CREBBP: variants seen among roughly 807,000 people sequenced by gnomAD.
The protein encoded by CREBBP is CREB binding lysine acetyltransferase.
In CREBBP, 19 loss-of-function variants were observed where a neutral mutation model predicts 265.0. That is an observed-to-expected ratio of 0.07 (90% CI 0.05 to 0.11). The LOEUF (loss-of-function observed/expected upper bound fraction) is 0.11. Ranked by LOEUF, CREBBP falls within the 10% of genes least tolerant of loss-of-function variation. CREBBP has a pLI of 1.00. For missense variants in CREBBP, 2,525 were observed against 3,219.0 expected (o/e 0.78, Z 5.22); for synonymous variants, 1,457 against 1,223.7 (o/e 1.19, Z -3.98).
intron 1 of CREBBP, among the ~76,000 whole-genome samples, chr16:3,872,437 AAGG>A (rs1370529689): frequency 6.6e-6 from 1 of 152,142 alleles, no homozygotes; most frequent in African/African-American, 2.4e-5. Flanking sequence ...GCCCCAGGGA[AAGG>A]AGAACAGGCA....
intron 13 of CREBBP, 63 bp downstream of exon 13, chr16:3,773,688 A>G (rs1178051975): frequency 6.4e-7 from 1 of 1,571,940 alleles, no homozygotes; most frequent in Non-Finnish European, 8.7e-7. Flanking sequence ...AGAAAAAAAA[A>G]ACCAAAACTT....
At chr16:3,873,717 T>C (rs2055344923) in intron 1 of CREBBP, among the ~76,000 whole-genome samples, 1 of 152,168 alleles carries the variant, frequency 6.6e-6, no homozygotes, top group African/African-American at 2.4e-5. Flanking sequence ...CTGATGTAAC[T>C]TGCCCCAAAC....
chr16:3,835,909 G>C (rs565723917), intron 2 of CREBBP, among the ~76,000 whole-genome samples: 2 of 151,722 alleles, frequency 1.3e-5, no homozygotes, highest in African/African-American at 4.8e-5. Flanking sequence ...CTTCAAACTG[G>C]AAACAACCCC....
At chr16:3,814,323 C>T (rs2053997653) in intron 2 of CREBBP, among the ~76,000 whole-genome samples, 1 of 151,394 alleles carries the variant, frequency 6.6e-6, no homozygotes, top group Admixed American at 6.6e-5. Context: ...GGCATGATTT[C>T]AGCTCCCTGC....
chr16:3,875,691 G>A (rs375439347), intron 1 of CREBBP, among the ~76,000 whole-genome samples: 1 of 152,144 alleles, frequency 6.6e-6, no homozygotes, highest in African/African-American at 2.4e-5. Flanking sequence ...AATATATAGA[G>A]CTACGGACTT....
chr16:3,762,595 C>G (rs1311471548), intron 16 of CREBBP, among the ~76,000 whole-genome samples: 1 of 152,054 alleles, frequency 6.6e-6, no homozygotes, highest in East Asian at 1.9e-4. Context: ...TCCTCTGGCC[C>G]GAGGACCTGC....
intron 3 of CREBBP, among the ~76,000 whole-genome samples, chr16:3,806,716 C>T (rs2053837856): frequency 6.6e-6 from 1 of 152,160 alleles, no homozygotes; most frequent in Non-Finnish European, 1.5e-5. Flanking sequence ...AAAGTGGCTT[C>T]AACTTCCTGC....
At chr16:3,871,082 G>GAGAAAGAA (rs542035833) in intron 1 of CREBBP, among the ~76,000 whole-genome samples, 1 of 145,852 alleles carries the variant, frequency 6.9e-6, no homozygotes, top group East Asian at 2.0e-4. Context: ...GGAAGGAAAA[G>GAGAAAGAA]AGAAAGAAAG....
At chr16:3,829,565 G>A (rs1426966041) in intron 2 of CREBBP, among the ~76,000 whole-genome samples, 2 of 152,160 alleles carry the variant, frequency 1.3e-5, no homozygotes, top group African/African-American at 4.8e-5. Context: ...TCAAGATCTT[G>A]CTGAACATCC....
intron 3 of CREBBP, among the ~76,000 whole-genome samples, chr16:3,800,354 A>C (rs2141308480): frequency 6.6e-6 from 1 of 152,320 alleles, no homozygotes; most frequent in East Asian, 1.9e-4. Flanking sequence ...CCTGGGCAGA[A>C]GCAATTATCT....
chr16:3,875,706 A>G (rs898535067), intron 1 of CREBBP, among the ~76,000 whole-genome samples: 1 of 152,182 alleles, frequency 6.6e-6, no homozygotes, highest in African/African-American at 2.4e-5. Flanking sequence ...GGACTTTAAC[A>G]ATCTAGTTTG....
In CREBBP at chr16:3,725,547, G is replaced by A. The variant is rs531615796; in HGVS notation, c.*2171C>T. 1 of 233,320 alleles carries A rather than the reference G, an allele frequency of 4.3e-6. No homozygotes were observed. Among genetic ancestry groups the A allele is most frequent in the Admixed American group, 5.6e-5 (1 of 17,808 alleles). The allele number at this position is 233,320 out of a possible 1,614,324, so 14.5% of individuals were successfully genotyped here. A position where few individuals can be genotyped will look rare whatever the true frequency, so the allele number is the denominator to read the frequency against. The stretch of plus-strand genomic sequence containing the variant: ...GGTTAAGAACCCAGCAGGCCGAGCA[G>A]TGGCAGCAATCTCCACCGGAGGCCC... On this transcript the variant is annotated 3_prime_UTR_variant, in exon 31 of 31. Transcript: ENST00000262367.
At chr16:3,795,610 G>A (rs1005924143) in intron 3 of CREBBP, among the ~76,000 whole-genome samples, 4 of 151,954 alleles carry the variant, frequency 2.6e-5, no homozygotes, top group Non-Finnish European at 4.4e-5. Flanking sequence ...GGAATCCCTG[G>A]CCCCTCCTTT....
intron 2 of CREBBP, among the ~76,000 whole-genome samples, chr16:3,841,578 C>T (rs1344884333): frequency 6.6e-6 from 1 of 152,082 alleles, no homozygotes; most frequent in African/African-American, 2.4e-5. Flanking sequence ...GAGTTCGAGG[C>T]TGCAGGGAGC....
At position 3,868,279 on chromosome 16, in the gene CREBBP, G is replaced by T. The variant is rs955664370; in HGVS notation, c.85+11553C>A. Among the ~76,000 whole-genome samples the T allele has an allele frequency of 4.7e-5, 6 of 128,906 alleles. 1 individual carries two copies. Among genetic ancestry groups the T allele is most frequent in the Non-Finnish European group, 1.1e-4 (6 of 55,000 alleles). 84.6% of individuals were successfully genotyped at this position (128,906 alleles called of 152,430 possible). ...CAAGAACTTAAAAAAACTTTTAAAA[G>T]AAAATTGTTTGTACAAAAATTTACT... On this transcript the variant is annotated intron_variant, in intron 1 of 30. Transcript: ENST00000262367.
intron 16 of CREBBP, among the ~76,000 whole-genome samples, chr16:3,765,465 G>C (rs975459834): frequency 1.3e-5 from 2 of 152,216 alleles, no homozygotes; most frequent in African/African-American, 4.8e-5. Flanking sequence ...ATGACTGAGA[G>C]ATAAGCTATA....
intron 2 of CREBBP, among the ~76,000 whole-genome samples, chr16:3,818,378 G>A (rs1343027138): frequency 6.9e-6 from 1 of 144,050 alleles, no homozygotes; most frequent in Non-Finnish European, 1.5e-5. Flanking sequence ...CACCGTCCCA[G>A]CTCACTGCAA....
intron 2 of CREBBP, among the ~76,000 whole-genome samples, chr16:3,839,328 G>T (rs1202837529): frequency 6.6e-6 from 1 of 152,166 alleles, no homozygotes; most frequent in African/African-American, 2.4e-5. Context: ...TAACTACTAT[G>T]TGCGTGTCAA....
At chr16:3,848,220 A>G (rs2054709807) in intron 2 of CREBBP, among the ~76,000 whole-genome samples, 1 of 152,054 alleles carries the variant, frequency 6.6e-6, no homozygotes, top group African/African-American at 2.4e-5. Flanking sequence ...AAACGTGACT[A>G]TTCTGTGGAT....
Sources: gnomAD v4.1 joint callset for allele counts (sites outside exome capture counted in the v4.1 genomes callset) on GRCh38, gnomAD v4.1.1 for gene constraint, MANE v1.5 for transcripts, NCBI Gene and HGNC (gene_info 2026-07-23, HGNC 2026-07-21) for gene names.